Variants in TECPR2 observed in about 807,000 individuals in gnomAD.
TECPR2 encodes tectonin beta-propeller repeat-containing protein 2.
TECPR2 carries 65 observed loss-of-function variants against 138.1 expected under a neutral mutation model. That is an observed-to-expected ratio of 0.47 (90% CI 0.39 to 0.58). TECPR2 has a LOEUF of 0.58. TECPR2 is among the 20% of genes least tolerant of loss of function. TECPR2 has a pLI of 0.00. For synonymous variants in TECPR2, 746 were observed against 749.8 expected (o/e 0.99, Z 0.08); for missense variants, 1,553 against 1,824.5 (o/e 0.85, Z 2.71).
rs771696598 is a variant in TECPR2 at position 102,443,467 on chromosome 14, G to A, written c.2753-180G>A. On this transcript the variant is annotated intron_variant, in intron 11 of 19. Coordinates refer to ENST00000359520, the MANE Select transcript of TECPR2 (RefSeq NM_014844.5). This position sits in a 1 kb window ranked among gnomAD's most constrained non-coding sequence, Gnocchi z 4.9. ...GGAGTTTGAGATCAGCCTGGGCAAC[G>A]TAGAAAGGCCCCGTCTATATTTTTA... is the stretch of plus-strand genomic sequence containing the variant. Among the ~76,000 whole-genome samples, 18 of 152,028 alleles carry A rather than the reference G, an allele frequency of 1.2e-4. No individual in the cohort carries two copies. Among genetic ancestry groups the A allele is most frequent in the Non-Finnish European group, 1.9e-4 (13 of 68,006 alleles).
At chr14:102,437,025 TC>T in intron 9 of TECPR2, 1 of 985,424 alleles carries the variant, frequency 1.0e-6, no homozygotes, top group South Asian at 4.7e-5. Context: ...CTCATCCCAC[TC>T]CAGGTAGCTG....
rs182606999 is a variant in TECPR2 at position 102,445,945 on chromosome 14, C to A, written c.3073C>A (p.Gln1025Lys). 17 of 1,613,666 alleles carry A rather than the reference C, an allele frequency of 1.1e-5. No individual in the cohort carries two copies. The highest frequency in any genetic ancestry group is 3.3e-5 in the Admixed American group (2 of 59,938). The change falls in exon 13 of 20, where the codon CAA becomes AAA. Residue 1025 changes from glutamine to lysine, a missense_variant and splice_region_variant. Gln to Lys is a moderately conservative substitution (Grantham distance 53). Coordinates refer to ENST00000359520, the MANE Select transcript of TECPR2 (RefSeq NM_014844.5). ...KPQGDDDHWWQVSITDYVVFD... is the reference protein window; with the variant it reads ...KPQGDDDHWWKVSITDYVVFD... ...CCAAGGAGATGACGACCATTGGTGG[C>A]AAGTAGGTGTTCAGCTCTGCGCCAC... is the stretch of plus-strand genomic sequence containing the variant.
chr14:102,371,534 G>T (rs908041304), intron 1 of TECPR2, among the ~76,000 whole-genome samples: 1 of 152,104 alleles, frequency 6.6e-6, no homozygotes, highest in African/African-American at 2.4e-5. Flanking sequence ...GGGACTTCTT[G>T]GGCACCTGGC....
chr14:102,443,936 C>T lies in TECPR2; in HGVS notation c.2933+109C>T. The T allele has an allele frequency of 1.8e-6, 2 of 1,089,590 alleles. No homozygotes were observed. Among genetic ancestry groups the T allele is most frequent in the Non-Finnish European group, 1.3e-6 (1 of 789,528 alleles). The allele number at this position is 1,089,590 out of a possible 1,614,324, so 67.5% of individuals were successfully genotyped here. A position where few individuals can be genotyped will look rare whatever the true frequency, so the allele number is the denominator to read the frequency against. Reference sequence around the variant, plus strand: ...GGCCGTTCCTGGGAGGCAGCACCTGCAGCCTCCATGGCTATAGGCTAAGCT... The same window carrying T: ...GGCCGTTCCTGGGAGGCAGCACCTGTAGCCTCCATGGCTATAGGCTAAGCT... On this transcript the variant is annotated intron_variant, in intron 12 of 19. Transcript: ENST00000359520. The surrounding 1 kb of genome is among the most constrained non-coding windows in gnomAD (Gnocchi z 4.9).
chr14:102,410,593 C>T (rs1475909137), intron 4 of TECPR2, among the ~76,000 whole-genome samples: 1 of 151,724 alleles, frequency 6.6e-6, no homozygotes, highest in Non-Finnish European at 1.5e-5. Context: ...TCAGGCCTGT[C>T]CTCGGAATGC....
intron 17 of TECPR2, among the ~76,000 whole-genome samples, chr14:102,477,879 G>A (rs1448717206): frequency 7.4e-6 from 1 of 135,904 alleles, no homozygotes; most frequent in Non-Finnish European, 1.5e-5. Flanking sequence ...AACTTGCAGT[G>A]AGCCGAGATC....
chr14:102,480,636 C>CA (rs1386365171), intron 17 of TECPR2, among the ~76,000 whole-genome samples: 1 of 152,066 alleles, frequency 6.6e-6, no homozygotes, highest in Non-Finnish European at 1.5e-5. Context: ...ACTCCTGCCT[C>CA]AGCCTCCAAA....
intron 17 of TECPR2, among the ~76,000 whole-genome samples, chr14:102,478,403 G>A (rs947275152): frequency 3.9e-5 from 6 of 151,948 alleles, no homozygotes; most frequent in Admixed American, 3.3e-4. Flanking sequence ...TAAATGGGCC[G>A]GGTGTGGTGG....
At chr14:102,489,642 T>C (rs1595150024) in intron 17 of TECPR2, among the ~76,000 whole-genome samples, 1 of 150,434 alleles carries the variant, frequency 6.6e-6, no homozygotes. Flanking sequence ...GAGGCAGAGG[T>C]TGCAGTGAGC....
intron 4 of TECPR2, among the ~76,000 whole-genome samples, chr14:102,414,244 A>G (rs1888961176): frequency 6.6e-6 from 1 of 152,196 alleles, no homozygotes. Context: ...AGAATAAGCA[A>G]TACACACAGT....
chr14:102,483,416 G>T (rs1179614521), intron 17 of TECPR2, among the ~76,000 whole-genome samples: 1 of 151,296 alleles, frequency 6.6e-6, no homozygotes, highest in East Asian at 1.9e-4. Context: ...TTGTTGTAGG[G>T]TTTTTTGTTG....
At chr14:102,406,606 C>A (rs1055748124) in intron 2 of TECPR2, among the ~76,000 whole-genome samples, 3 of 152,080 alleles carry the variant, frequency 2.0e-5, no homozygotes, top group Non-Finnish European at 4.4e-5. Flanking sequence ...GTAATCCCAG[C>A]ACTTTGAGAG....
intron 1 of TECPR2, among the ~76,000 whole-genome samples, chr14:102,367,966 C>G (rs1887388955): frequency 7.6e-6 from 1 of 130,990 alleles, no homozygotes; most frequent in African/African-American, 3.0e-5. Flanking sequence ...AGTAATGGTG[C>G]TGAACATCTT....
intron 17 of TECPR2, among the ~76,000 whole-genome samples, chr14:102,486,093 T>G (rs1244089669): frequency 6.6e-6 from 1 of 152,172 alleles, no homozygotes; most frequent in Non-Finnish European, 1.5e-5. Flanking sequence ...CAGATGCAGC[T>G]TCTTGCTGGA....
intron 1 of TECPR2, among the ~76,000 whole-genome samples, chr14:102,367,247 GT>G (rs1479183149): frequency 6.6e-6 from 1 of 152,080 alleles, no homozygotes; most frequent in Non-Finnish European, 1.5e-5. Flanking sequence ...TTTTTGGGGG[GT>G]AACAGCTTTA....
chr14:102,378,686 A>G (rs1417527852), intron 2 of TECPR2, among the ~76,000 whole-genome samples: 2 of 152,110 alleles, frequency 1.3e-5, no homozygotes, highest in Admixed American at 6.6e-5. Context: ...GTGCAATGAC[A>G]TGATCTCGGC....
At position 102,425,871 on chromosome 14, in the gene TECPR2, G is replaced by GT. The variant is rs531503829; in HGVS notation, c.951+591dup. On this transcript the variant is annotated intron_variant, in intron 6 of 19. Coordinates refer to ENST00000359520, the MANE Select transcript of TECPR2 (RefSeq NM_014844.5). ...TTACAGGCGTGAGCCACCATGCCTG[G>GT]TTTTTTTTTTTGTTTTTTTTTTTTG... 1.7e-3 allele frequency among the ~76,000 whole-genome samples: 218 copies of GT among 132,010 alleles called. 1 individual carries two copies. Among genetic ancestry groups the GT allele is most frequent in the South Asian group, 0.011 (44 of 4,108 alleles). 86.6% of individuals were successfully genotyped at this position (132,010 alleles called of 152,430 possible). A position where few individuals can be genotyped will look rare whatever the true frequency, so the allele number is the denominator to read the frequency against.
intron 18 of TECPR2, 159 bp from the exon 19 acceptor site, chr14:102,497,411 T>C (rs1352001553): frequency 1.8e-6 from 2 of 1,123,654 alleles, no homozygotes; most frequent in Admixed American, 3.2e-5. Flanking sequence ...CAACTGGTCG[T>C]CCTTTCCCTC....
intron 17 of TECPR2, among the ~76,000 whole-genome samples, chr14:102,471,885 C>T (rs962611604): frequency 9.9e-5 from 15 of 152,172 alleles, no homozygotes; most frequent in African/African-American, 3.6e-4. Flanking sequence ...TTCCTCCACA[C>T]ATTCTTGTGC....
Sources: allele counts gnomAD v4.1 joint callset (sites outside exome capture counted in the v4.1 genomes callset), GRCh38; gene constraint gnomAD v4.1.1; non-coding constraint Gnocchi (gnomAD v3.1); transcripts MANE v1.5; gene names NCBI Gene and HGNC (gene_info 2026-07-23, HGNC 2026-07-21).